The following C10orf67 variants were observed in gnomAD, a reference collection of about 807,000 sequenced individuals.
C10orf67 encodes uncharacterized protein C10orf67, mitochondrial.
A neutral mutation model predicts 35.6 loss-of-function variants in C10orf67; 60 were observed. The ratio of observed to expected loss-of-function variants is 1.68; its 90% CI spans 1.37 to 2.09. The LOEUF is 2.09. Among genes scored for constraint, C10orf67 ranks in the 30% most tolerant of loss-of-function variants. C10orf67 has a pLI of 0.00. For missense variants in C10orf67, 474 were observed against 330.2 expected, an observed-to-expected ratio of 1.44 and a Z score of -3.38; for synonymous variants, 167 against 115.8, an observed-to-expected ratio of 1.44 and a Z score of -2.84.
chr10:23,216,537 C>G (rs1244011737), intron 15 of C10orf67, among the ~76,000 whole-genome samples: 1 of 151,914 alleles, frequency 6.6e-6, no homozygotes, highest in African/African-American at 2.4e-5. Context: ...GAAATAGCAG[C>G]TATTTATGAA....
chr10:23,292,716 G>GGT (rs1564493786), intron 5 of C10orf67, among the ~76,000 whole-genome samples: 1 of 146,888 alleles, frequency 6.8e-6, no homozygotes, highest in East Asian at 2.0e-4. Flanking sequence ...AATTACGTAT[G>GGT]GTATATATAT....
chr10:23,315,676 A>G (rs1258855152), intron 4 of C10orf67, among the ~76,000 whole-genome samples: 2 of 152,164 alleles, frequency 1.3e-5, no homozygotes, highest in Non-Finnish European at 2.9e-5. Flanking sequence ...CCTGAGCCCA[A>G]GTGATCTGCC....
At chr10:23,322,069 T>C (rs1008543120) in intron 3 of C10orf67, among the ~76,000 whole-genome samples, 6 of 152,244 alleles carry the variant, frequency 3.9e-5, no homozygotes, top group African/African-American at 1.4e-4. Context: ...ATTAGAGGCA[T>C]GTGTGCTTGG....
chr10:23,216,840 C>CA (rs1422060359), intron 15 of C10orf67, among the ~76,000 whole-genome samples: 1 of 151,996 alleles, frequency 6.6e-6, no homozygotes. Context: ...GTATGATTGA[C>CA]AAACTCTAAA....
chr10:23,303,264 A>G, intron 5 of C10orf67, 40 bp downstream of exon 5: 2 of 468,948 alleles, frequency 4.3e-6, no homozygotes, highest in Middle Eastern at 5.5e-4. Flanking sequence ...GACTTTATTT[A>G]TGTATATTAA....
At chr10:23,227,318 C>T (rs1355195867) in intron 13 of C10orf67, among the ~76,000 whole-genome samples, 1 of 152,124 alleles carries the variant, frequency 6.6e-6, no homozygotes, top group Non-Finnish European at 1.5e-5. Context: ...AGCATATAAA[C>T]AGAACCAAAG....
chr10:23,219,342 T>C (rs1183666829), intron 15 of C10orf67, among the ~76,000 whole-genome samples: 1 of 152,198 alleles, frequency 6.6e-6, no homozygotes, highest in African/African-American at 2.4e-5. Context: ...TCTGTAAGAT[T>C]CGTGTCTTTT....
At chr10:23,270,080 G>A (rs1269414871) in intron 8 of C10orf67, among the ~76,000 whole-genome samples, 1 of 152,070 alleles carries the variant, frequency 6.6e-6, no homozygotes, top group African/African-American at 2.4e-5. Flanking sequence ...ATATACTGGG[G>A]GAGGGGCCAA....
intron 10 of C10orf67, among the ~76,000 whole-genome samples, chr10:23,259,699 A>G (rs1167586569): frequency 6.6e-6 from 1 of 152,182 alleles, no homozygotes; most frequent in African/African-American, 2.4e-5. Flanking sequence ...AGGGAATTTC[A>G]TCAGAGAGGT....
intron 13 of C10orf67, among the ~76,000 whole-genome samples, chr10:23,236,913 AG>A (rs1269140409): frequency 6.6e-6 from 1 of 152,136 alleles, no homozygotes; most frequent in Admixed American, 6.5e-5. Flanking sequence ...TTTTAGGTTT[AG>A]GGGGTACATG....
chr10:23,208,236 G>A (rs959209404), intron 15 of C10orf67, among the ~76,000 whole-genome samples: 14 of 152,168 alleles, frequency 9.2e-5, no homozygotes, highest in African/African-American at 3.4e-4. Context: ...AACTCACCTT[G>A]ACATCTGCAT....
At chr10:23,216,050 G>A (rs1255975101) in intron 15 of C10orf67, among the ~76,000 whole-genome samples, 12 of 152,132 alleles carry the variant, frequency 7.9e-5, no homozygotes, top group Non-Finnish European at 1.5e-4. Context: ...CCAAAAAAGG[G>A]TGCCACTGAC....
chr10:23,215,375 C>A (rs1841403327), intron 15 of C10orf67, among the ~76,000 whole-genome samples: 3 of 151,736 alleles, frequency 2.0e-5, no homozygotes, highest in Admixed American at 6.6e-5. Flanking sequence ...CTCACTGCAA[C>A]CTCTGCCTCC....
At chr10:23,210,508 CG>C (rs1841279618) in intron 15 of C10orf67, among the ~76,000 whole-genome samples, 1 of 152,110 alleles carries the variant, frequency 6.6e-6, no homozygotes, top group Non-Finnish European at 1.5e-5. Flanking sequence ...TAACCTCCAT[CG>C]CCTGGGTTCA....
At chr10:23,277,403 A>T (rs1202206115) in intron 8 of C10orf67, among the ~76,000 whole-genome samples, 2 of 152,056 alleles carry the variant, frequency 1.3e-5, no homozygotes, top group South Asian at 2.1e-4. Context: ...AAATAGAAAA[A>T]TTAGCCGGAC....
At chr10:23,286,856 C>T (rs1043081484) in intron 7 of C10orf67, among the ~76,000 whole-genome samples, 68 of 152,120 alleles carry the variant, frequency 4.5e-4, no homozygotes, top group African/African-American at 1.6e-3. Flanking sequence ...GTGAGGGATT[C>T]AGTTATCAGG....
At chr10:23,311,845 G>C (rs980035503) in intron 4 of C10orf67, among the ~76,000 whole-genome samples, 1 of 152,062 alleles carries the variant, frequency 6.6e-6, no homozygotes, top group Non-Finnish European at 1.5e-5. Context: ...TCTATATTTT[G>C]GTGCCATCAT....
chr10:23,281,385 G>GCTTGACAAA (rs1843360420), intron 8 of C10orf67, among the ~76,000 whole-genome samples: 1 of 152,140 alleles, frequency 6.6e-6, no homozygotes, highest in South Asian at 2.1e-4. Flanking sequence ...AGCACATTTA[G>GCTTGACAAA]AACGCAAGTC....
At chr10:23,281,980 A>G in intron 8 of C10orf67, 33 bp downstream of exon 8, 1 of 565,790 alleles carries the variant, frequency 1.8e-6, no homozygotes, top group East Asian at 3.3e-5. Context: ...TCCTGAATTC[A>G]AATTTGTTAG....
Sources: gnomAD v4.1 joint callset for allele counts (sites outside exome capture counted in the v4.1 genomes callset) on GRCh38, gnomAD v4.1.1 for gene constraint, MANE v1.5 for transcripts, NCBI Gene and HGNC (gene_info 2026-07-23, HGNC 2026-07-21) for gene names.